EBF2: variants seen among roughly 807,000 people sequenced by gnomAD.
EBF2 encodes the protein EBF transcription factor 2.
EBF2 carries 21 observed loss-of-function variants against 72.8 expected under a neutral mutation model. That is an observed-to-expected ratio of 0.29 (90% confidence interval 0.20 to 0.42). The LOEUF (loss-of-function observed/expected upper bound fraction) is 0.42. Ranked by LOEUF, EBF2 falls within the 10% of genes least tolerant of loss-of-function variation. EBF2 has a pLI of 1.00. For synonymous variants in EBF2, 299 were observed against 274.2 expected (o/e 1.09, Z -0.89); for missense variants, 637 against 731.2 (o/e 0.87, Z 1.49).
At chr8:25,869,511 G>A (rs963534206) in intron 10 of EBF2, among the ~76,000 whole-genome samples, 2 of 152,068 alleles carry the variant, frequency 1.3e-5, no homozygotes, top group African/African-American at 4.8e-5. Context: ...CTAGCTTCAA[G>A]CATTATTACC....
In EBF2 at chr8:26,044,807, G is replaced by A. The variant is rs373437276; in HGVS notation, c.53C>T (p.Ser18Leu). Reference sequence around the variant, plus strand: ...GACCGAATCCATCTCCGCGCCCAGCGATTTCTCTTTCAGAGTTGGTCCTCT... The same window carrying A: ...GACCGAATCCATCTCCGCGCCCAGCAATTTCTCTTTCAGAGTTGGTCCTCT... ...LGRGPTLKEK[S>L]LGAEMDSVRS... Residue 18 changes from serine to leucine, a missense_variant, in exon 1 of 16, where the codon TCG (serine) becomes TTG (leucine). This residue lies in a region of EBF2 where 174 missense variants were observed against 161.9 expected (regional missense o/e 1.07). Transcript: ENST00000520164. This position sits in a 1 kb window ranked among gnomAD's most constrained non-coding sequence, Gnocchi z 4.1. 6 of 1,614,052 alleles carry A rather than the reference G, an allele frequency of 3.7e-6. No homozygotes were observed. The African/African-American group carries it at 8.0e-5, about 22-fold the overall frequency.
In EBF2 at chr8:25,908,484, C is replaced by T; in HGVS notation, c.623G>A (p.Arg208Lys). ...LKTAGNPRDM[R>K]RFQVVLSTTV... ...TGCAGGGCCCCTTACCTGAAACCGT[C>T]TCATGTCCCTTGGGTTTCCTGCTGT... Residue 208 changes from arginine to lysine, a missense_variant, in exon 7 of 16, where the codon AGA becomes AAA. Transcript: ENST00000520164. The T allele has an allele frequency of 2.5e-6, 4 of 1,613,268 alleles. No homozygotes were observed. The highest frequency in any genetic ancestry group is 3.4e-6 in the Non-Finnish European group (4 of 1,179,308).
intron 7 of EBF2, among the ~76,000 whole-genome samples, chr8:25,896,396 C>T (rs1298217542): frequency 6.6e-6 from 1 of 152,178 alleles, no homozygotes. Flanking sequence ...ATAGCACACT[C>T]CACATTGAAG....
chr8:25,998,600 C>T (rs1256033294), intron 6 of EBF2, among the ~76,000 whole-genome samples: 1 of 152,114 alleles, frequency 6.6e-6, no homozygotes, highest in Non-Finnish European at 1.5e-5. Context: ...ATTTGTAGTA[C>T]TTTCTGGGTT....
intron 7 of EBF2, among the ~76,000 whole-genome samples, chr8:25,892,017 A>G (rs1184814443): frequency 4.6e-5 from 7 of 152,206 alleles, no homozygotes; most frequent in African/African-American, 1.2e-4. Flanking sequence ...TTGTCAAAAT[A>G]TCGCCATTCT....
chr8:25,972,973 G>A (rs1003412936), intron 6 of EBF2, among the ~76,000 whole-genome samples: 5 of 125,080 alleles, frequency 4.0e-5, no homozygotes, highest in African/African-American at 1.5e-4. Context: ...ACCCACCCTT[G>A]TCCCACTCCA....
intron 6 of EBF2, among the ~76,000 whole-genome samples, chr8:25,942,025 G>A (rs1421274308): frequency 3.3e-5 from 5 of 152,138 alleles, no homozygotes; most frequent in African/African-American, 1.2e-4. Flanking sequence ...AGAAAACCAT[G>A]TTCCCGTCCT....
chr8:25,911,894 G>A (rs920961350), intron 6 of EBF2, among the ~76,000 whole-genome samples: 31 of 152,306 alleles, frequency 2.0e-4, no homozygotes, highest in African/African-American at 6.7e-4. Flanking sequence ...CCAGGGTGAC[G>A]CCGTGCCCAG....
chr8:25,991,567 C>G (rs964429722), intron 6 of EBF2, among the ~76,000 whole-genome samples: 4 of 152,120 alleles, frequency 2.6e-5, no homozygotes, highest in Non-Finnish European at 5.9e-5. Context: ...AGAGGACTGC[C>G]GGGTGCAGTG....
At chr8:26,013,722 A>C (rs1805064423) in intron 6 of EBF2, among the ~76,000 whole-genome samples, 1 of 152,166 alleles carries the variant, frequency 6.6e-6, no homozygotes, top group African/African-American at 2.4e-5. Flanking sequence ...GCAAGACACA[A>C]CAAGATGACT....
intron 4 of EBF2, 104 bp from the exon 5 acceptor site, chr8:26,040,205 C>T: frequency 8.1e-7 from 1 of 1,235,626 alleles, no homozygotes; most frequent in South Asian, 1.3e-5. Context: ...CTCCCACTAC[C>T]TGCCACCGCA....
chr8:25,929,083 T>A (rs1057325086), intron 6 of EBF2, among the ~76,000 whole-genome samples: 1 of 152,192 alleles, frequency 6.6e-6, no homozygotes, highest in African/African-American at 2.4e-5. Flanking sequence ...GAAAGTAATA[T>A]TACAACTAAT....
intron 7 of EBF2, among the ~76,000 whole-genome samples, chr8:25,890,946 C>T (rs559854860): frequency 3.9e-5 from 6 of 152,190 alleles, no homozygotes; most frequent in Non-Finnish European, 2.9e-5. Flanking sequence ...GATGAGTTTG[C>T]GTCCTAACTG....
At chr8:25,871,443 A>G (rs1802438514) in intron 10 of EBF2, among the ~76,000 whole-genome samples, 1 of 152,204 alleles carries the variant, frequency 6.6e-6, no homozygotes, top group South Asian at 2.1e-4. Flanking sequence ...GCTTCAATCT[A>G]TAGGCTCTAT....
At chr8:25,851,963 A>G (rs1235115673) in intron 14 of EBF2, among the ~76,000 whole-genome samples, 2 of 152,204 alleles carry the variant, frequency 1.3e-5, no homozygotes, top group East Asian at 3.8e-4. Context: ...TAAAGCACTT[A>G]TATAGCATAC....
chr8:25,983,183 C>A (rs6998680), intron 6 of EBF2, among the ~76,000 whole-genome samples: 33,559 of 151,986 alleles, frequency 0.22, 4,004 homozygotes, highest in Non-Finnish European at 0.25. Context: ...TACATTATGT[C>A]ATATCTACCC....
chr8:25,908,371 G>A (rs1016322283), intron 7 of EBF2, 103 bp downstream of exon 7: 11 of 811,752 alleles, frequency 1.4e-5, no homozygotes, highest in Admixed American at 2.6e-5. Flanking sequence ...GTTAGGAGTA[G>A]CAGTGAATAG....
intron 6 of EBF2, among the ~76,000 whole-genome samples, chr8:25,957,932 G>A (rs938444329): frequency 1.3e-5 from 2 of 152,158 alleles, no homozygotes; most frequent in Admixed American, 6.5e-5. Context: ...TAGCCAGTGA[G>A]CAGTGTAACT....
At chr8:26,029,541 A>G (rs566850757) in intron 6 of EBF2, among the ~76,000 whole-genome samples, 7 of 152,324 alleles carry the variant, frequency 4.6e-5, no homozygotes, top group South Asian at 4.1e-4. Context: ...TTGGGGAACC[A>G]TCCTCTCCCT....
Sources: allele counts gnomAD v4.1 joint callset (sites outside exome capture counted in the v4.1 genomes callset), GRCh38; gene constraint gnomAD v4.1.1; regional missense constraint gnomAD v4.1.1; non-coding constraint Gnocchi (gnomAD v3.1); transcripts MANE v1.5; gene names NCBI Gene and HGNC (gene_info 2026-07-23, HGNC 2026-07-21).